Variants in CDH18 observed in about 807,000 individuals in gnomAD.
CDH18 encodes cadherin 18, also known as cadherin-18.
Under a neutral mutation model 67.9 loss-of-function variants are expected in CDH18, and 31 were observed. The ratio of observed to expected loss-of-function variants is 0.46; its 90% CI spans 0.34 to 0.62. The LOEUF (loss-of-function observed/expected upper bound fraction) is 0.62. Ranked by LOEUF, CDH18 falls within the 20% of genes least tolerant of loss-of-function variation. CDH18 has a pLI of 0.01. For synonymous variants in CDH18, 362 were observed against 347.2 expected (o/e 1.04, Z -0.48); for missense variants, 890 against 975.5 (o/e 0.91, Z 1.17).
At chr5:20,283,195 G>C (rs1265636769) in intron 1 of CDH18, among the ~76,000 whole-genome samples, 1 of 152,076 alleles carries the variant, frequency 6.6e-6, no homozygotes, top group Non-Finnish European at 1.5e-5. Context: ...ACATGGGACT[G>C]GGTAGATTTA....
chr5:20,351,191 T>TGTGTGTGTGTGCGC (rs1420969028), intron 1 of CDH18, among the ~76,000 whole-genome samples: 11 of 148,678 alleles, frequency 7.4e-5, no homozygotes, highest in African/African-American at 2.7e-4. Context: ...TGTGTGTGTG[T>TGTGTGTGTGTGCGC]GCGTGTGTGT....
chr5:20,078,411 C>T (rs1474613653), intron 2 of CDH18, among the ~76,000 whole-genome samples: 5 of 151,732 alleles, frequency 3.3e-5, no homozygotes, highest in Non-Finnish European at 5.9e-5. Context: ...TGCAGTAAGC[C>T]GAGATCACGC....
intron 10 of CDH18, among the ~76,000 whole-genome samples, chr5:19,507,705 T>C (rs1351432172): frequency 6.6e-6 from 1 of 151,974 alleles, no homozygotes; most frequent in Non-Finnish European, 1.5e-5. Context: ...AATTGAACAA[T>C]GAGAACACAT....
intron 2 of CDH18, among the ~76,000 whole-genome samples, chr5:20,187,540 G>A (rs1445549830): frequency 6.6e-6 from 1 of 151,774 alleles, no homozygotes; most frequent in African/African-American, 2.4e-5. Flanking sequence ...AATAAAGAAG[G>A]AAATACATAA....
chr5:19,576,866 T>TA (rs762098473), intron 7 of CDH18, among the ~76,000 whole-genome samples: 6 of 152,178 alleles, frequency 3.9e-5, no homozygotes, highest in East Asian at 3.8e-4. Context: ...AAAAGGATTT[T>TA]AAAAAATTGT....
At chr5:20,028,449 T>C (rs994645089) in intron 2 of CDH18, among the ~76,000 whole-genome samples, 6 of 152,166 alleles carry the variant, frequency 3.9e-5, no homozygotes, top group Non-Finnish European at 7.3e-5. Context: ...TAGTGAGATA[T>C]ATATCTACTA....
chr5:20,280,517 T>C (rs2126697144), intron 1 of CDH18, among the ~76,000 whole-genome samples: 1 of 152,308 alleles, frequency 6.6e-6, no homozygotes, highest in Non-Finnish European at 1.5e-5. Context: ...TTCATCCATG[T>C]CCCTACAAAG....
chr5:19,922,707 C>T (rs573248336), intron 2 of CDH18, among the ~76,000 whole-genome samples: 4 of 152,204 alleles, frequency 2.6e-5, no homozygotes, highest in African/African-American at 9.6e-5. Flanking sequence ...TTCGTTTAAA[C>T]TCTCTGTGTT....
intron 1 of CDH18, among the ~76,000 whole-genome samples, chr5:20,570,104 A>C (rs1002337280): frequency 1.5e-4 from 23 of 152,320 alleles, no homozygotes; most frequent in African/African-American, 5.5e-4. Context: ...AAACGTGGAT[A>C]TACCTTATTA....
intron 2 of CDH18, among the ~76,000 whole-genome samples, chr5:19,969,442 C>T (rs945444024): frequency 6.7e-6 from 1 of 150,340 alleles, no homozygotes; most frequent in Non-Finnish European, 1.5e-5. Flanking sequence ...TTGGAACCAA[C>T]CCAAATGTCC....
chr5:20,524,233 A>C (rs1755910812), intron 1 of CDH18, among the ~76,000 whole-genome samples: 1 of 152,198 alleles, frequency 6.6e-6, no homozygotes, highest in African/African-American at 2.4e-5. Flanking sequence ...TTAACAAACA[A>C]ACTTTTCTCA....
intron 5 of CDH18, among the ~76,000 whole-genome samples, chr5:19,634,732 G>T (rs1752885528): frequency 6.6e-6 from 1 of 151,990 alleles, no homozygotes; most frequent in African/African-American, 2.4e-5. Context: ...GAGGTTGGGA[G>T]TTCGAGACCA....
intron 1 of CDH18, among the ~76,000 whole-genome samples, chr5:20,464,544 T>G (rs1437867699): frequency 6.6e-6 from 1 of 152,094 alleles, no homozygotes; most frequent in African/African-American, 2.4e-5. Flanking sequence ...AATAGAATAT[T>G]GAAACAAATG....
At chr5:19,704,379 T>G (rs145701932) in intron 5 of CDH18, among the ~76,000 whole-genome samples, 1 of 152,184 alleles carries the variant, frequency 6.6e-6, no homozygotes, top group Non-Finnish European at 1.5e-5. Flanking sequence ...CCTGGGACTA[T>G]TCAACCAGTT....
In CDH18 at chr5:19,508,439, G is replaced by C. The variant is rs188556623; in HGVS notation, c.1513-5330C>G. On this transcript the variant is annotated intron_variant, in intron 10 of 12. Coordinates refer to ENST00000382275, the MANE Select transcript of CDH18 (RefSeq NM_004934.5). ...CCTAAGAATATCTTTTTTGATTCATGTGTCTTCTAATTGAACCCAAATGTT... is the reference window on the plus strand; with the variant it reads ...CCTAAGAATATCTTTTTTGATTCATCTGTCTTCTAATTGAACCCAAATGTT... Among the ~76,000 whole-genome samples the C allele has an allele frequency of 2.4e-3, 360 of 151,974 alleles. 2 individuals carry two copies. The highest frequency in any genetic ancestry group is 4.0e-3 in the Non-Finnish European group (271 of 67,974).
upstream of CDH18, among the ~76,000 whole-genome samples, chr5:19,989,278 A>G (rs74777372): frequency 0.015 from 2,213 of 152,328 alleles, 63 homozygotes; most frequent in African/African-American, 0.05. Context: ...TGCAAACACT[A>G]AGAGAAAGAT....
intron 3 of CDH18, among the ~76,000 whole-genome samples, chr5:19,764,505 A>G (rs1772806551): frequency 6.6e-6 from 1 of 151,884 alleles, no homozygotes; most frequent in South Asian, 2.1e-4. Flanking sequence ...GTTAGGGAAG[A>G]ATATAACCAA....
chr5:19,472,881 A>T lies in CDH18; in HGVS notation c.*345T>A, dbSNP rs992170873. 1 of 191,264 alleles carries T rather than the reference A, an allele frequency of 5.2e-6. No homozygotes were observed. The highest frequency in any genetic ancestry group is 1.0e-4 in the South Asian group (1 of 10,020). The allele number at this position is 191,264 out of a possible 1,614,324, so 11.8% of individuals were successfully genotyped here. A position where few individuals can be genotyped will look rare whatever the true frequency, so the allele number is the denominator to read the frequency against. On this transcript the variant is annotated 3_prime_UTR_variant, in exon 13 of 13. Coordinates refer to ENST00000382275, the MANE Select transcript of CDH18 (RefSeq NM_004934.5). ...CCAGTGATCTTGAGCCTTTCTGTTT[A>T]GTTTTGCTTTTGAAAAAAATAAATC...
chr5:20,419,569 G>A (rs1474303562), intron 1 of CDH18, among the ~76,000 whole-genome samples: 2 of 143,716 alleles, frequency 1.4e-5, no homozygotes, highest in Non-Finnish European at 3.0e-5. Context: ...TCTGCCTCCC[G>A]GGTTCACGCT....
Sources: gnomAD v4.1 joint callset for allele counts (sites outside exome capture counted in the v4.1 genomes callset) on GRCh38, gnomAD v4.1.1 for gene constraint, MANE v1.5 for transcripts, NCBI Gene and HGNC (gene_info 2026-07-23, HGNC 2026-07-21) for gene names.